The following NCKAP5 variants were observed in gnomAD, a reference collection of about 807,000 sequenced individuals.
NCKAP5 encodes the protein nck-associated protein 5.
In NCKAP5, 92 loss-of-function variants were observed where a neutral mutation model predicts 167.0. The ratio of observed to expected loss-of-function variants is 0.55; its 90% CI spans 0.47 to 0.66. NCKAP5 has a LOEUF of 0.66. NCKAP5 is among the 30% of genes least tolerant of loss of function. The pLI, the probability that NCKAP5 is intolerant of heterozygous loss-of-function variation, is 0.00. For missense variants in NCKAP5, 2,378 were observed against 2,315.0 expected (o/e 1.03, Z -0.56); for synonymous variants, 891 against 877.4 (o/e 1.02, Z -0.27).
chr2:132,732,165 T>A, intron 16 of NCKAP5, 114 bp from the exon 17 acceptor site: 3 of 1,026,284 alleles, frequency 2.9e-6, no homozygotes, highest in Non-Finnish European at 4.1e-6. Context: ...GAAGGGTGAA[T>A]TTAAGAAAAA....
At chr2:132,997,108 A>C (rs559772974) in intron 6 of NCKAP5, among the ~76,000 whole-genome samples, 72 of 152,356 alleles carry the variant, frequency 4.7e-4, no homozygotes, top group African/African-American at 1.5e-3. Context: ...GAATCCGCTG[A>C]TGTAGGAAGC....
chr2:132,955,639 G>A (rs1280131383), intron 8 of NCKAP5, among the ~76,000 whole-genome samples: 3 of 152,080 alleles, frequency 2.0e-5, no homozygotes, highest in African/African-American at 2.4e-5. Context: ...TGTCTTTATA[G>A]TAGCATGATT....
At chr2:133,567,741 A>C (rs1406198251) in intron 1 of NCKAP5, among the ~76,000 whole-genome samples, 1 of 149,654 alleles carries the variant, frequency 6.7e-6, no homozygotes, top group Non-Finnish European at 1.5e-5. Flanking sequence ...AGAGACCATA[A>C]ACATCAACAT....
chr2:133,072,509 C>T (rs966138703), intron 6 of NCKAP5, among the ~76,000 whole-genome samples: 5 of 152,130 alleles, frequency 3.3e-5, no homozygotes, highest in Admixed American at 2.0e-4. Context: ...CCCCACTCCC[C>T]GATCGTCTAT....
At chr2:132,728,691 T>C in intron 18 of NCKAP5, 125 bp downstream of exon 18, 2 of 1,284,706 alleles carry the variant, frequency 1.6e-6, no homozygotes, top group Admixed American at 2.1e-5. Context: ...CCTTGGTTTA[T>C]ATTCAGTAAA....
At chr2:133,041,410 T>C (rs2149455659) in intron 6 of NCKAP5, among the ~76,000 whole-genome samples, 1 of 152,320 alleles carries the variant, frequency 6.6e-6, no homozygotes, top group Middle Eastern at 3.4e-3. Flanking sequence ...ATAGGAGGAA[T>C]TTCACAAGTA....
chr2:133,215,020 C>G (rs1324416650), intron 4 of NCKAP5, among the ~76,000 whole-genome samples: 1 of 152,158 alleles, frequency 6.6e-6, no homozygotes, highest in Non-Finnish European at 1.5e-5. Context: ...ATAGTTCTCT[C>G]TGAATAAATA....
At chr2:133,227,911 C>T (rs2086967417) in intron 4 of NCKAP5, among the ~76,000 whole-genome samples, 1 of 152,178 alleles carries the variant, frequency 6.6e-6, no homozygotes, top group Non-Finnish European at 1.5e-5. Flanking sequence ...AACTGAACCA[C>T]CAAACTCTAG....
intron 5 of NCKAP5, among the ~76,000 whole-genome samples, chr2:133,191,075 G>A (rs1170681591): frequency 6.6e-6 from 1 of 151,622 alleles, no homozygotes; most frequent in African/African-American, 2.4e-5. Context: ...AAATTTACAA[G>A]AAAAAAAATC....
intron 19 of NCKAP5, among the ~76,000 whole-genome samples, chr2:132,719,443 C>A (rs925024764): frequency 3.9e-5 from 6 of 152,196 alleles, no homozygotes; most frequent in African/African-American, 1.4e-4. Context: ...ACATATTTAA[C>A]GTGTACCTTG....
chr2:132,926,935 A>G (rs7583282), intron 8 of NCKAP5, among the ~76,000 whole-genome samples: 4,999 of 152,170 alleles, frequency 0.033, 267 homozygotes, highest in African/African-American at 0.11. Context: ...CTTAATCGAG[A>G]ATTATTTGAG....
chr2:133,409,490 T>C lies in NCKAP5; in HGVS notation c.70-106380A>G, dbSNP rs115970229. 4.3e-3 allele frequency among the ~76,000 whole-genome samples: 651 copies of C among 152,314 alleles called. 7 individuals carry two copies. The highest frequency in any genetic ancestry group is 0.015 in the African/African-American group (622 of 41,568). Reference sequence around the variant, plus strand: ...CCCTAAAGGAGTAAGCCACGGGTCTTGCTGGATTCTTAAGCCCTGTTCAGG... The same window carrying C: ...CCCTAAAGGAGTAAGCCACGGGTCTCGCTGGATTCTTAAGCCCTGTTCAGG... On this transcript the variant is annotated intron_variant, in intron 3 of 19. Coordinates refer to ENST00000409261, the MANE Select transcript of NCKAP5 (RefSeq NM_207363.3).
At chr2:133,533,960 C>T (rs535808788) in intron 2 of NCKAP5, among the ~76,000 whole-genome samples, 1 of 152,222 alleles carries the variant, frequency 6.6e-6, no homozygotes, top group South Asian at 2.1e-4. Context: ...TTGTCTCCTA[C>T]ACACACACAA....
At chr2:133,539,219 C>T (rs139523311) in intron 2 of NCKAP5, among the ~76,000 whole-genome samples, 3 of 152,008 alleles carry the variant, frequency 2.0e-5, no homozygotes, top group South Asian at 2.1e-4. Context: ...GAATTACAGG[C>T]GTGAGCCTCC....
intron 15 of NCKAP5, among the ~76,000 whole-genome samples, chr2:132,775,118 T>TC (rs1682439276): frequency 6.6e-6 from 1 of 152,156 alleles, no homozygotes; most frequent in Non-Finnish European, 1.5e-5. Flanking sequence ...GCAATGGGTG[T>TC]CCCGCTTAGG....
At position 132,785,515 on chromosome 2, in the gene NCKAP5, C is replaced by T. The variant is rs142356779; in HGVS notation, c.1296G>A (p.Ser432=). 1.7e-5 allele frequency: 28 copies of T among 1,610,574 alleles called. No individual in the cohort carries two copies. The highest frequency in any genetic ancestry group is 5.3e-5 in the African/African-American group (4 of 74,800). ...TTCCAGGAGAATATATTCCTTCATT[C>T]GAGTTCATGCAATCTTTATAACCCC... The part of the protein sequence containing the change: ...TKWGYKDCMN[S]NEGIYSPGIK... The change falls in exon 14 of 20, where the codon TCG becomes TCA. Residue 432 remains serine (S), a synonymous_variant. Transcript: ENST00000409261.
intron 4 of NCKAP5, among the ~76,000 whole-genome samples, chr2:133,242,189 C>T (rs2087744073): frequency 6.6e-6 from 1 of 150,722 alleles, no homozygotes; most frequent in South Asian, 2.1e-4. Context: ...TACACATCCA[C>T]CTTCTGAAGG....
At chr2:133,311,186 G>A (rs1242387413) in intron 3 of NCKAP5, among the ~76,000 whole-genome samples, 1 of 152,152 alleles carries the variant, frequency 6.6e-6, no homozygotes, top group Non-Finnish European at 1.5e-5. Flanking sequence ...ATTCTGATCA[G>A]CCAGCTATAA....
the NCKAP5 span, among the ~76,000 whole-genome samples, chr2:133,591,981 T>C: frequency 2.0e-5 from 3 of 152,140 alleles, no homozygotes; most frequent in Non-Finnish European, 4.4e-5. Context: ...GTACCTCTTG[T>C]ATGTCCTTCC....
Sources: gnomAD v4.1 joint callset for allele counts (sites outside exome capture counted in the v4.1 genomes callset) on GRCh38, gnomAD v4.1.1 for gene constraint, MANE v1.5 for transcripts, NCBI Gene and HGNC (gene_info 2026-07-23, HGNC 2026-07-21) for gene names.